GRM7: variants seen among roughly 807,000 people sequenced by gnomAD.
The protein encoded by GRM7 is metabotropic glutamate receptor 7.
Under a neutral mutation model 84.5 loss-of-function variants are expected in GRM7, and 35 were observed. That is an observed-to-expected ratio of 0.41 (90% CI 0.32 to 0.55). The LOEUF (loss-of-function observed/expected upper bound fraction) is 0.55, where lower values mean the gene tolerates loss of function less well. Ranked by LOEUF, GRM7 falls within the 20% of genes least tolerant of loss-of-function variation. GRM7 has a pLI of 0.19. For synonymous variants in GRM7, 487 were observed against 455.1 expected, an observed-to-expected ratio of 1.07 and a Z score of -0.89; for missense variants, 1,003 against 1,194.6, an observed-to-expected ratio of 0.84 and a Z score of 2.36.
chr3:7,711,076 T>A (rs1456027929), intron 9 of GRM7, among the ~76,000 whole-genome samples: 2 of 152,220 alleles, frequency 1.3e-5, no homozygotes, highest in Non-Finnish European at 2.9e-5. Context: ...CATTGGCAAG[T>A]TGTCCCTAAG....
At chr3:7,064,548 GATAT>G (rs60042248) in intron 1 of GRM7, among the ~76,000 whole-genome samples, 48 of 89,520 alleles carry the variant, frequency 5.4e-4, no homozygotes, top group African/African-American at 1.6e-3. Flanking sequence ...ATCATGTATG[GATAT>G]ATATATATAT....
At chr3:7,646,775 C>G (rs577302624) in intron 8 of GRM7, among the ~76,000 whole-genome samples, 49 of 152,278 alleles carry the variant, frequency 3.2e-4, no homozygotes, top group Middle Eastern at 3.4e-3. Context: ...ATGAATGGCT[C>G]TGGATTGCAA....
chr3:7,099,203 AT>A (rs1213657479), intron 1 of GRM7, among the ~76,000 whole-genome samples: 2 of 149,424 alleles, frequency 1.3e-5, no homozygotes, highest in African/African-American at 2.5e-5. Context: ...TATACGTATT[AT>A]TATATTGCAT....
chr3:7,571,849 A>C (rs1185596295), intron 7 of GRM7, among the ~76,000 whole-genome samples: 1 of 152,012 alleles, frequency 6.6e-6, no homozygotes, highest in East Asian at 1.9e-4. Flanking sequence ...ACAGTTCCAC[A>C]TGACTGGGGA....
At chr3:7,441,161 C>T (rs1697270499) in intron 5 of GRM7, among the ~76,000 whole-genome samples, 1 of 151,716 alleles carries the variant, frequency 6.6e-6, no homozygotes, top group African/African-American at 2.4e-5. Flanking sequence ...CAGCATCTGA[C>T]CATTTAATAA....
At chr3:7,297,690 GT>G (rs1297914079) in intron 2 of GRM7, among the ~76,000 whole-genome samples, 1 of 152,182 alleles carries the variant, frequency 6.6e-6, no homozygotes, top group Non-Finnish European at 1.5e-5. Context: ...TGTTCTAGGT[GT>G]GAGCTTGTTG....
At chr3:7,371,265 A>C (rs1240905444) in intron 4 of GRM7, among the ~76,000 whole-genome samples, 3 of 152,194 alleles carry the variant, frequency 2.0e-5, no homozygotes. Flanking sequence ...TCAAATTCTG[A>C]AGTTAGCTGG....
At chr3:7,443,482 T>C (rs923535604) in intron 5 of GRM7, among the ~76,000 whole-genome samples, 2 of 152,102 alleles carry the variant, frequency 1.3e-5, no homozygotes, top group East Asian at 3.9e-4. Context: ...ATTTGATATG[T>C]TTCTCAATTT....
intron 7 of GRM7, among the ~76,000 whole-genome samples, chr3:7,574,573 C>T (rs1281464592): frequency 6.6e-6 from 1 of 152,292 alleles, no homozygotes; most frequent in South Asian, 2.1e-4. Context: ...AATAGAGTCA[C>T]GTGTCAAAAC....
chr3:6,913,091 C>T (rs1696826734), intron 1 of GRM7, among the ~76,000 whole-genome samples: 1 of 152,108 alleles, frequency 6.6e-6, no homozygotes, highest in African/African-American at 2.4e-5. Flanking sequence ...TTCCTAAGCC[C>T]TCTCCTAATC....
chr3:7,365,103 C>G (rs970376416), intron 4 of GRM7, among the ~76,000 whole-genome samples: 1 of 151,834 alleles, frequency 6.6e-6, no homozygotes, highest in Admixed American at 6.6e-5. Flanking sequence ...TACTTTCCCA[C>G]AGTTTTCTGG....
chr3:7,398,535 T>C (rs1487702733), intron 4 of GRM7, among the ~76,000 whole-genome samples: 2 of 151,958 alleles, frequency 1.3e-5, no homozygotes, highest in East Asian at 1.9e-4. Context: ...ATAGAGAAAT[T>C]TGGTAGCCTA....
At chr3:6,967,694 G>A (rs915518447) in intron 1 of GRM7, among the ~76,000 whole-genome samples, 1 of 152,098 alleles carries the variant, frequency 6.6e-6, no homozygotes, top group African/African-American at 2.4e-5. Context: ...TATTGATACA[G>A]AACAAATATA....
At chr3:7,522,797 A>G (rs181054293) in intron 7 of GRM7, among the ~76,000 whole-genome samples, 427 of 152,148 alleles carry the variant, frequency 2.8e-3, no homozygotes, top group South Asian at 0.01. Flanking sequence ...CTAACCCCCA[A>G]TGTATGCTAT....
chr3:7,291,959 T>C (rs928118588), intron 2 of GRM7, among the ~76,000 whole-genome samples: 1 of 152,202 alleles, frequency 6.6e-6, no homozygotes, highest in African/African-American at 2.4e-5. Flanking sequence ...CTGATGGTTT[T>C]TAAAGGGAAA....
At chr3:7,500,126 A>G (rs1699838877) in intron 7 of GRM7, among the ~76,000 whole-genome samples, 1 of 152,124 alleles carries the variant, frequency 6.6e-6, no homozygotes, top group Non-Finnish European at 1.5e-5. Flanking sequence ...ATTACTTATG[A>G]GCTATTTTTC....
chr3:7,365,909 A>G (rs962114430), intron 4 of GRM7, among the ~76,000 whole-genome samples: 8 of 151,294 alleles, frequency 5.3e-5, no homozygotes, highest in Non-Finnish European at 1.5e-5. Context: ...ATTAATATTT[A>G]ATTTTCCAAG....
chr3:6,898,562 C>T (rs1286279433), intron 1 of GRM7, among the ~76,000 whole-genome samples: 1 of 152,122 alleles, frequency 6.6e-6, no homozygotes. Flanking sequence ...TTTCCACCTT[C>T]TACTCTCTTC....
intron 8 of GRM7, among the ~76,000 whole-genome samples, chr3:7,656,165 C>G (rs1006195334): frequency 2.6e-5 from 4 of 152,060 alleles, no homozygotes; most frequent in Non-Finnish European, 4.4e-5. Flanking sequence ...GTCCATAAAT[C>G]AAAACCTGTG....
Sources: allele counts gnomAD v4.1 joint callset (sites outside exome capture counted in the v4.1 genomes callset), GRCh38; gene constraint gnomAD v4.1.1; transcripts MANE v1.5; gene names NCBI Gene and HGNC (gene_info 2026-07-23, HGNC 2026-07-21).